The following DSCAML1 variants were observed in gnomAD, a reference collection of about 807,000 sequenced individuals.
DSCAML1 encodes the protein cell adhesion molecule DSCAML1.
In DSCAML1, 38 loss-of-function variants were observed where a neutral mutation model predicts 200.5. The observed-to-expected ratio is 0.19, with a 90% confidence interval of 0.15 to 0.25. The LOEUF is 0.25. Among genes scored for constraint, DSCAML1 ranks in the 10% least tolerant of loss-of-function variants. DSCAML1 has a pLI of 1.00. For synonymous variants in DSCAML1, 1,215 were observed against 1,165.0 expected (o/e 1.04, Z -0.87); for missense variants, 2,223 against 2,858.8 (o/e 0.78, Z 5.07).
chr11:117,524,050 G>A lies in DSCAML1; in HGVS notation c.937+755C>T, dbSNP rs572104155. Among the ~76,000 whole-genome samples the A allele has an allele frequency of 8.3e-4, 127 of 152,350 alleles. 1 individual carries two copies. The highest frequency in any genetic ancestry group is 3.7e-3 in the South Asian group (18 of 4,826). On this transcript the variant is annotated intron_variant, in intron 5 of 32. Transcript: ENST00000651296. ...CAGGAGTGGAGAGAGGTGGGGTAGG[G>A]GGAAAGGGGTGAGCTGGGCCTCACA...
intron 3 of DSCAML1, among the ~76,000 whole-genome samples, chr11:117,761,406 A>G (rs983156478): frequency 6.6e-6 from 1 of 152,244 alleles, no homozygotes; most frequent in Non-Finnish European, 1.5e-5. Flanking sequence ...AGTTCAGTCC[A>G]GTGGAAGACC....
rs530582858 is a variant in DSCAML1 at position 117,509,032 on chromosome 11, C to T, written c.1784-3300G>A. On this transcript the variant is annotated intron_variant, in intron 8 of 32. Coordinates refer to ENST00000651296, the MANE Select transcript of DSCAML1 (RefSeq NM_020693.4). The stretch of plus-strand genomic sequence containing the variant: ...GCTCCTCTGTGAAGGCATTATGCTC[C>T]GTGTGGGCTGGGGAAAGTAGAAACA... Among the ~76,000 whole-genome samples, 4 of 152,174 alleles carry T rather than the reference C, an allele frequency of 2.6e-5. No individual in the cohort carries two copies. The South Asian group carries it at 6.3e-4, about 24-fold the overall frequency.
rs1248786893 is a variant in DSCAML1, at chr11:117,516,874, G to A, written c.1511-135C>T. 9.1e-7 allele frequency: 1 copy of A among 1,093,768 alleles called. No individual in the cohort carries two copies. Among genetic ancestry groups the A allele is most frequent in the South Asian group, 1.6e-5 (1 of 61,074 alleles). The allele number at this position is 1,093,768 out of a possible 1,614,324, so 67.8% of individuals were successfully genotyped here. A position where few individuals can be genotyped will look rare whatever the true frequency, so the allele number is the denominator to read the frequency against. On this transcript the variant is annotated intron_variant, in intron 7 of 32. Transcript: ENST00000651296. The surrounding 1 kb of genome is among the most constrained non-coding windows in gnomAD (Gnocchi z 5.7). ...AGACTTTCGGGGGCGGACATTTGGT[G>A]GGGGCACAGGGATGCCTTTTTACAA...
rs200308782 is a variant in DSCAML1, at chr11:117,715,274, TA to T, written c.511+61516del. 6.5e-3 allele frequency among the ~76,000 whole-genome samples: 987 copies of T among 152,210 alleles called. 5 individuals carry two copies. The highest frequency in any genetic ancestry group is 0.03 in the South Asian group (145 of 4,818). On this transcript the variant is annotated intron_variant, in intron 3 of 32. Transcript: ENST00000651296. ...TCCCTTGGCCAACACTACGCCTATCTAAAGACTCAGCCCAGGTTTCACCTCT... is the reference window on the plus strand; with the variant it reads ...TCCCTTGGCCAACACTACGCCTATCTAAGACTCAGCCCAGGTTTCACCTCT...
intron 3 of DSCAML1, among the ~76,000 whole-genome samples, chr11:117,624,912 G>A (rs1042580912): frequency 6.6e-6 from 1 of 152,190 alleles, no homozygotes; most frequent in Non-Finnish European, 1.5e-5. Flanking sequence ...TTTGGGTCTA[G>A]ATTGGTGATG....
intron 8 of DSCAML1, among the ~76,000 whole-genome samples, chr11:117,507,912 T>A (rs1565749820): frequency 6.6e-6 from 1 of 152,202 alleles, no homozygotes. Flanking sequence ...TATCGGGCCT[T>A]AGACATCTTC....
chr11:117,439,178 C>G, intron 23 of DSCAML1, 88 bp downstream of exon 23: 4 of 1,539,602 alleles, frequency 2.6e-6, no homozygotes, highest in Non-Finnish European at 3.5e-6. Flanking sequence ...TTGGCTTCTT[C>G]CATTCGATGA....
chr11:117,461,961 T>C (rs928229628), intron 17 of DSCAML1, among the ~76,000 whole-genome samples: 1 of 152,094 alleles, frequency 6.6e-6, no homozygotes, highest in Non-Finnish European at 1.5e-5. Flanking sequence ...GTGATGAACA[T>C]GACAGACCTG....
chr11:117,611,893 T>G (rs1052053959), intron 3 of DSCAML1: 1 of 152,220 alleles, frequency 6.6e-6, no homozygotes, highest in African/African-American at 2.4e-5. Context: ...GAATTTAACC[T>G]TGTTCACTGT....
chr11:117,675,234 AAC>A (rs1000535856), intron 3 of DSCAML1, among the ~76,000 whole-genome samples: 2 of 152,034 alleles, frequency 1.3e-5, no homozygotes, highest in East Asian at 1.9e-4. Flanking sequence ...TGTTGTTTTA[AAC>A]ACACACACAC....
chr11:117,745,546 G>A (rs991809481), intron 3 of DSCAML1, among the ~76,000 whole-genome samples: 10 of 152,144 alleles, frequency 6.6e-5, no homozygotes, highest in African/African-American at 2.4e-4. Flanking sequence ...CCGACCTACA[G>A]CATGCCCTGT....
intron 3 of DSCAML1, among the ~76,000 whole-genome samples, chr11:117,635,526 G>A (rs972649928): frequency 6.6e-6 from 1 of 151,902 alleles, no homozygotes; most frequent in Non-Finnish European, 1.5e-5. Flanking sequence ...TTCCCAGGGT[G>A]CAGCAGGGGT....
chr11:117,814,039 G>A (rs1377185754), intron 1 of DSCAML1, among the ~76,000 whole-genome samples: 1 of 152,088 alleles, frequency 6.6e-6, no homozygotes, highest in African/African-American at 2.4e-5. Context: ...CCACCATTGT[G>A]ATTTGTTTCT....
upstream of DSCAML1, chr11:117,801,117 T>A (rs144331425): frequency 1.8e-4 from 27 of 152,314 alleles, no homozygotes; most frequent in East Asian, 4.0e-3. Flanking sequence ...AAAACAAGGA[T>A]CTCCCTGCTT....
At chr11:117,753,983 C>A (rs533346078) in intron 3 of DSCAML1, among the ~76,000 whole-genome samples, 33 of 152,260 alleles carry the variant, frequency 2.2e-4, no homozygotes, top group African/African-American at 7.7e-4. Flanking sequence ...TTGGGCCTTA[C>A]CTGAGGACAA....
chr11:117,443,110 G>A (rs1353889562), intron 21 of DSCAML1, among the ~76,000 whole-genome samples: 1 of 152,198 alleles, frequency 6.6e-6, no homozygotes, highest in Non-Finnish European at 1.5e-5. Context: ...GGCTGCGGTG[G>A]ATAAGAGAGT....
chr11:117,530,483 G>A (rs1302300188), intron 4 of DSCAML1, among the ~76,000 whole-genome samples: 4 of 152,146 alleles, frequency 2.6e-5, no homozygotes, highest in Admixed American at 2.0e-4. Flanking sequence ...AAGCCACAAA[G>A]ATGGGGCTGC....
At chr11:117,522,327 G>A (rs564262084) in intron 5 of DSCAML1, among the ~76,000 whole-genome samples, 1 of 152,294 alleles carries the variant, frequency 6.6e-6, no homozygotes, top group Non-Finnish European at 1.5e-5. Flanking sequence ...CCTCTTTTGT[G>A]TCTGTCTCCC....
chr11:117,435,137 C>G (rs1459114172), intron 27 of DSCAML1, among the ~76,000 whole-genome samples: 3 of 152,224 alleles, frequency 2.0e-5, no homozygotes, highest in Non-Finnish European at 4.4e-5. Flanking sequence ...GACCCATTCA[C>G]AGTAGACTGT....
Sources: allele counts gnomAD v4.1 joint callset (sites outside exome capture counted in the v4.1 genomes callset), GRCh38; gene constraint gnomAD v4.1.1; non-coding constraint Gnocchi (gnomAD v3.1); transcripts MANE v1.5; gene names NCBI Gene and HGNC (gene_info 2026-07-23, HGNC 2026-07-21).